Variants in VRTN observed in about 807,000 individuals in gnomAD.
VRTN encodes vertebrae development associated.
Under a neutral mutation model 18.2 loss-of-function variants are expected in VRTN, and 5 were observed. The observed-to-expected ratio is 0.27, with a 90% CI of 0.14 to 0.58. The LOEUF (loss-of-function observed/expected upper bound fraction) is 0.58, where lower values mean the gene tolerates loss of function less well. Ranked by LOEUF, VRTN falls within the 20% of genes least tolerant of loss-of-function variation. VRTN has a pLI of 0.91. For synonymous variants in VRTN, 381 were observed against 393.7 expected, an observed-to-expected ratio of 0.97 and a Z score of 0.38; for missense variants, 741 against 939.4, an observed-to-expected ratio of 0.79 and a Z score of 2.76.
At chr14:74,320,626 A>C (rs1351314826) in intron 1 of VRTN, among the ~76,000 whole-genome samples, 1 of 80,374 alleles carries the variant, frequency 1.2e-5, no homozygotes, top group Admixed American at 2.0e-4. Context: ...TTGCTCTGTC[A>C]CCCAGGCTAG....
At chr14:74,324,713 C>T (rs1414559130) in intron 1 of VRTN, among the ~76,000 whole-genome samples, 1 of 151,316 alleles carries the variant, frequency 6.6e-6, no homozygotes, top group Non-Finnish European at 1.5e-5. Context: ...CATGCCGAGA[C>T]CCCGTCTCTA....
rs767752555 is a variant in VRTN, at chr14:74,358,541, T to A, written c.1758T>A (p.Ala586=). Residue 586 remains alanine (A), a synonymous_variant, in exon 2 of 2, where the codon GCT becomes GCA. Coordinates refer to ENST00000256362, the MANE Select transcript of VRTN (RefSeq NM_018228.3). The surrounding 1 kb of genome is among the most constrained non-coding windows in gnomAD (Gnocchi z 5.4). ...AGGAGGCTGGCAGGGATGTGACAGC[T>A]GTGATGGCCCCACCTGTGGGGGCTT... ...QEKEAGRDVT[A]VMAPPVGASS... is the part of the protein sequence containing the mutation. The A allele has an allele frequency of 2.5e-6, 4 of 1,612,516 alleles. No homozygotes were observed. In the African/African-American group the frequency reaches 5.3e-5, roughly 22 times the overall value.
intron 1 of VRTN, among the ~76,000 whole-genome samples, chr14:74,320,921 AAGCAGC>A (rs889641548): frequency 2.8e-4 from 40 of 144,098 alleles, no homozygotes; most frequent in Non-Finnish European, 3.6e-4. Context: ...AAAAAAAAAA[AAGCAGC>A]AGCAGCAGCA....
chr14:74,319,348 T>C (rs1374015788), intron 1 of VRTN, among the ~76,000 whole-genome samples: 2 of 152,224 alleles, frequency 1.3e-5, no homozygotes, highest in African/African-American at 4.8e-5. Context: ...CCTCGGGATG[T>C]ATTTTTATAG....
intron 1 of VRTN, among the ~76,000 whole-genome samples, chr14:74,332,904 G>A (rs1435993447): frequency 6.6e-6 from 1 of 152,042 alleles, no homozygotes; most frequent in African/African-American, 2.4e-5. Flanking sequence ...AAACTTTCCT[G>A]GGTCTCAGCT....
chr14:74,343,157 T>C (rs2085619548), intron 2 of VRTN, among the ~76,000 whole-genome samples: 2 of 152,178 alleles, frequency 1.3e-5, no homozygotes, highest in Non-Finnish European at 2.9e-5. Flanking sequence ...AGACAGAGTC[T>C]TGCTCTGTGG....
At chr14:74,349,750 G>A (rs1166741738) in intron 1 of VRTN, among the ~76,000 whole-genome samples, 8 of 152,182 alleles carry the variant, frequency 5.3e-5, no homozygotes, top group African/African-American at 1.7e-4. Context: ...GAATGGGGGA[G>A]CGGGGAGGCT....
rs527290121 is a variant in VRTN at position 74,357,819 on chromosome 14, A to C, written c.1036A>C (p.Thr346Pro). ...LQRFPEISRS[T>P]YYAWKHELLG... ...GCGGTTCCCGGAGATCTCCCGCTCA[A>C]CCTACTATGCCTGGAAGCATGAGCT... The change falls in exon 2 of 2, where the codon ACC becomes CCC. Residue 346 changes from threonine to proline, a missense_variant. Coordinates refer to ENST00000256362, the MANE Select transcript of VRTN (RefSeq NM_018228.3). The surrounding 1 kb of genome is among the most constrained non-coding windows in gnomAD (Gnocchi z 7.8). 1 of 1,613,386 alleles carries C rather than the reference A, an allele frequency of 6.2e-7. No individual in the cohort carries two copies. The highest frequency in any genetic ancestry group is 1.3e-5 in the African/African-American group (1 of 75,034).
chr14:74,358,634 C>T lies in VRTN; in HGVS notation c.1851C>T (p.Gly617=), dbSNP rs1177573223. The T allele has an allele frequency of 6.2e-7, 1 of 1,607,180 alleles. No homozygotes were observed. The highest frequency in any genetic ancestry group is 8.5e-7 in the Non-Finnish European group (1 of 1,176,542). ...TGCAGGAGGGGGCCACAGCCCAGGGCCAGCCCCACAGTGGGCCCTTGCTGA... is the reference window on the plus strand; with the variant it reads ...TGCAGGAGGGGGCCACAGCCCAGGGTCAGCCCCACAGTGGGCCCTTGCTGA... ...GALQEGATAQ[G]QPHSGPLLSQ... The change falls in exon 2 of 2, where the codon GGC becomes GGT. Residue 617 remains glycine, a synonymous_variant. Coordinates refer to ENST00000256362, the MANE Select transcript of VRTN (RefSeq NM_018228.3). The surrounding 1 kb of genome is among the most constrained non-coding windows in gnomAD (Gnocchi z 5.4).
In VRTN at chr14:74,356,949, C is replaced by T. The variant is rs370349312; in HGVS notation, c.166C>T (p.Leu56=). The change falls in exon 2 of 2, where the codon CTG becomes TTG. Residue 56 remains leucine, a synonymous_variant. Transcript: ENST00000256362. The stretch of plus-strand genomic sequence containing the variant: ...GGAGGGAGGCCCTGGCCTCCAGGTG[C>T]TGGAAGTGGACTCGGTGGCCCTGAG... ...CREGGPGLQV[L]EVDSVALSLY... The T allele has an allele frequency of 5.6e-6, 9 of 1,613,990 alleles. No homozygotes were observed. Among genetic ancestry groups the T allele is most frequent in the South Asian group, 3.3e-5 (3 of 91,060 alleles).
chr14:74,316,798 G>A (rs1019649582), intron 1 of VRTN, among the ~76,000 whole-genome samples: 5 of 151,562 alleles, frequency 3.3e-5, no homozygotes, highest in African/African-American at 4.8e-5. Flanking sequence ...CACCATGCCC[G>A]GCTAATTTTT....
At position 74,303,919 on chromosome 14, in the gene VRTN, T is replaced by G. The variant is rs1288262536; in HGVS notation, c.-164+743T>G. Among the ~76,000 whole-genome samples the G allele has an allele frequency of 6.1e-5, 9 of 147,074 alleles. No individual in the cohort carries two copies. In the Admixed American group the frequency reaches 6.3e-4, roughly 10 times the overall value. ...CCGGCTAGAGTGCAATGGCGCGATA[T>G]CGGCTCACGGCAACCTCAGCCTCCC... On this transcript the variant is annotated intron_variant, in intron 1 of 2. Coordinates refer to the VRTN transcript ENST00000557177.
At chr14:74,339,990 C>T (rs991327265) in intron 2 of VRTN, among the ~76,000 whole-genome samples, 8 of 152,070 alleles carry the variant, frequency 5.3e-5, no homozygotes, top group Non-Finnish European at 1.0e-4. Flanking sequence ...GGCTAGAGTG[C>T]AGTGGCATGA....
At chr14:74,332,360 TTTTTTTTTTTTTTTTTAG>T (rs2085533081) in intron 1 of VRTN, among the ~76,000 whole-genome samples, 1 of 128,624 alleles carries the variant, frequency 7.8e-6, no homozygotes, top group African/African-American at 3.2e-5. Context: ...TTTTTTTTTT[TTTTTTTTTTTTTTTTTAG>T]ATGGAGTTTT....
intron 1 of VRTN, among the ~76,000 whole-genome samples, chr14:74,321,053 C>A (rs1223520295): frequency 6.6e-6 from 1 of 151,992 alleles, no homozygotes; most frequent in African/African-American, 2.4e-5. Context: ...AGAGCAGGTT[C>A]CATGGAGTGG....
chr14:74,303,044 T>G (rs547577003), upstream of VRTN: 2 of 1,026,982 alleles, frequency 1.9e-6, no homozygotes, highest in Admixed American at 4.0e-5. Context: ...AGACGCGGAC[T>G]CTCCCGGAAG....
upstream of VRTN, among the ~76,000 whole-genome samples, chr14:74,348,206 T>G (rs2140209982): frequency 6.6e-6 from 1 of 152,212 alleles, no homozygotes; most frequent in African/African-American, 2.4e-5. Context: ...ATCTGAACCT[T>G]CTCCTCCCAT....
chr14:74,342,955 T>C (rs893670216), intron 2 of VRTN, among the ~76,000 whole-genome samples: 20 of 152,142 alleles, frequency 1.3e-4, no homozygotes, highest in Non-Finnish European at 1.5e-5. Flanking sequence ...TCTTTCATCA[T>C]AATTTAAAAA....
At chr14:74,334,904 T>C (rs1225691340) in intron 1 of VRTN, among the ~76,000 whole-genome samples, 1 of 152,082 alleles carries the variant, frequency 6.6e-6, no homozygotes, top group Non-Finnish European at 1.5e-5. Context: ...CACATCACCA[T>C]TGAGTAACTT....
Sources: gnomAD v4.1 joint callset for allele counts (sites outside exome capture counted in the v4.1 genomes callset) on GRCh38, gnomAD v4.1.1 for gene constraint, Gnocchi (gnomAD v3.1) non-coding constraint, MANE v1.5 for transcripts, NCBI Gene and HGNC (gene_info 2026-07-23, HGNC 2026-07-21) for gene names.